Variants in E2F2 observed in about 807,000 individuals in gnomAD.
The protein encoded by E2F2 is E2F transcription factor 2, also known as transcription factor E2F2.
A neutral mutation model predicts 42.2 loss-of-function variants in E2F2; 22 were observed. The observed-to-expected ratio is 0.52, with a 90% CI of 0.37 to 0.74. E2F2 has a LOEUF of 0.74. Ranked by LOEUF, E2F2 falls within the 30% of genes least tolerant of loss-of-function variation. The pLI is 0.00. For missense variants in E2F2, 481 were observed against 557.8 expected (o/e 0.86, Z 1.39); for synonymous variants, 248 against 251.6 (o/e 0.99, Z 0.13).
Position 23,508,360 on chromosome 1 carries a change from G to C in E2F2, c.*1520C>G, listed in dbSNP as rs1291548782. 2.0e-5 allele frequency: 3 copies of C among 152,256 alleles called. No homozygotes were observed. Among genetic ancestry groups the C allele is most frequent in the Non-Finnish European group, 4.4e-5 (3 of 68,076 alleles). The allele number at this position is 152,256 out of a possible 1,614,324, so 9.4% of individuals were successfully genotyped here. ...AATGCTACAAACTTTTCTAAAAAGT[G>C]CTGTCCAGCTGAGCCTCTGAGAAAA... On this transcript the variant is annotated 3_prime_UTR_variant, in exon 7 of 7. Coordinates refer to ENST00000361729, the MANE Select transcript of E2F2 (RefSeq NM_004091.4).
At position 23,509,694 on chromosome 1, in the gene E2F2, A is replaced by C. The variant is rs1570450867; in HGVS notation, c.*186T>G. On this transcript the variant is annotated 3_prime_UTR_variant, in exon 7 of 7. Coordinates refer to ENST00000361729, the MANE Select transcript of E2F2 (RefSeq NM_004091.4). The stretch of plus-strand genomic sequence containing the variant: ...GGAAGGTGAGGACCACCCCTTATCC[A>C]CTCCTCACCCGTACCATTCATATCT... 1 of 1,155,282 alleles carries C rather than the reference A, an allele frequency of 8.7e-7. No individual in the cohort carries two copies. The highest frequency in any genetic ancestry group is 4.0e-5 in the Admixed American group (1 of 24,750). The allele number at this position is 1,155,282 out of a possible 1,614,324, so 71.6% of individuals were successfully genotyped here. A position where few individuals can be genotyped will look rare whatever the true frequency, so the allele number is the denominator to read the frequency against.
At chr1:23,518,351 A>T (rs1025240183) in intron 5 of E2F2, among the ~76,000 whole-genome samples, 5 of 151,724 alleles carry the variant, frequency 3.3e-5, no homozygotes, top group African/African-American at 1.2e-4. Flanking sequence ...GGCATCTGTA[A>T]TCTCAGCTAC....
Position 23,514,140 on chromosome 1 carries a change from C to T in E2F2, c.1045+2195G>A, listed in dbSNP as rs3218196. The stretch of plus-strand genomic sequence containing the variant: ...CTCTGTCTTAAAAAAAAAAAAACAA[C>T]TTCACACCCTTGTTTATGCTTTGGG... On this transcript the variant is annotated intron_variant, in intron 6 of 6. Coordinates refer to ENST00000361729, the MANE Select transcript of E2F2 (RefSeq NM_004091.4). Among the ~76,000 whole-genome samples the T allele has an allele frequency of 6.8e-3, 1,032 of 150,768 alleles. 41 individuals carry two copies. Among genetic ancestry groups the T allele is most frequent in the Admixed American group, 0.06 (906 of 15,134 alleles).
chr1:23,516,300 C>T (rs774680734), intron 6 of E2F2, 35 bp downstream of exon 6: 2 of 1,445,864 alleles, frequency 1.4e-6, no homozygotes, highest in Non-Finnish European at 1.8e-6. Flanking sequence ...CCGGTCTCTC[C>T]CCCCACCTCC....
At position 23,510,111 on chromosome 1, in the gene E2F2, C is replaced by T. The variant is rs767232696; in HGVS notation, c.1083G>A (p.Pro361=). 9 of 1,603,512 alleles carry T rather than the reference C, an allele frequency of 5.6e-6. No homozygotes were observed. Among genetic ancestry groups the T allele is most frequent in the South Asian group, 2.2e-5 (2 of 89,000 alleles). The stretch of plus-strand genomic sequence containing the variant: ...CCTCCAAGGGGACCAGGGATGGAGG[C>T]GGTGGGGCCTGCTGGGGGGTTGGCG... ...APAPTPQQAP[P]PPSLVPLEAT... Residue 361 remains proline (P), a synonymous_variant, in exon 7 of 7, where the codon CCG becomes CCA. Coordinates refer to ENST00000361729, the MANE Select transcript of E2F2 (RefSeq NM_004091.4).
In E2F2 at chr1:23,531,043, C is replaced by T; in HGVS notation, c.-250G>A. On this transcript the variant is annotated 5_prime_UTR_variant, in exon 1 of 7. Transcript: ENST00000361729. ...GTGGCACTGCCAGGGGCTGTCTCGTCCCGAGGGCACCGCGACCCGGGACGC... is the reference window on the plus strand; with the variant it reads ...GTGGCACTGCCAGGGGCTGTCTCGTTCCGAGGGCACCGCGACCCGGGACGC... The T allele has an allele frequency of 2.5e-6, 1 of 403,320 alleles. No individual in the cohort carries two copies. The highest frequency in any genetic ancestry group is 4.3e-6 in the Non-Finnish European group (1 of 232,898). 25.0% of individuals were successfully genotyped at this position (403,320 alleles called of 1,614,324 possible). A position where few individuals can be genotyped will look rare whatever the true frequency, so the allele number is the denominator to read the frequency against.
intron 6 of E2F2, among the ~76,000 whole-genome samples, chr1:23,514,214 G>A (rs549012820): frequency 6.6e-6 from 1 of 152,294 alleles, no homozygotes; most frequent in African/African-American, 2.4e-5. Flanking sequence ...AGCGAAGGTG[G>A]TTCCAGCTTC....
chr1:23,526,017 C>T (rs1186873587), intron 1 of E2F2, among the ~76,000 whole-genome samples: 2 of 152,044 alleles, frequency 1.3e-5, no homozygotes, highest in Admixed American at 6.5e-5. Flanking sequence ...TCCCCCACTC[C>T]TGCCCCCTCC....
downstream of E2F2, chr1:23,506,312 A>T (rs1243392120): frequency 6.6e-6 from 1 of 152,182 alleles, no homozygotes; most frequent in East Asian, 1.9e-4. Context: ...CTTGGAGGGA[A>T]ATCCACTGGG....
chr1:23,527,758 C>T (rs1359740701), intron 1 of E2F2, among the ~76,000 whole-genome samples: 6 of 152,256 alleles, frequency 3.9e-5, no homozygotes, highest in Admixed American at 1.3e-4. Flanking sequence ...GCCTACACCT[C>T]CTCACCTGAC....
In E2F2 at chr1:23,530,604, C is replaced by G; in HGVS notation, c.190G>C (p.Asp64His). 6.2e-7 allele frequency: 1 copy of G among 1,613,064 alleles called. No individual in the cohort carries two copies. The highest frequency in any genetic ancestry group is 8.5e-7 in the Non-Finnish European group (1 of 1,179,766). Residue 64 changes from aspartate (D) to histidine (H), a missense_variant, in exon 1 of 7, where the codon GAC becomes CAC. Physicochemically the swap from Asp to His is moderately conservative, Grantham distance 81. Coordinates refer to ENST00000361729, the MANE Select transcript of E2F2 (RefSeq NM_004091.4). This position sits in a 1 kb window ranked among gnomAD's most constrained non-coding sequence, Gnocchi z 4.4. ...PPAAAPGTCLDATPHGPEGQV... is the reference protein window; with the variant it reads ...PPAAAPGTCLHATPHGPEGQV... The stretch of plus-strand genomic sequence containing the variant: ...CCCTCGGGTCCGTGGGGAGTGGCGT[C>G]GAGGCAGGTGCCTGGCGCCGCTGCG...
At position 23,524,409 on chromosome 1, in the gene E2F2, C is replaced by A; in HGVS notation, c.332G>T (p.Arg111Ile). The change falls in exon 2 of 7, where the codon AGA becomes ATA. Residue 111 changes from arginine (R) to isoleucine (I), a missense_variant. By Grantham distance (97) the Arg-to-Ile change is moderately conservative. Coordinates refer to ENST00000361729, the MANE Select transcript of E2F2 (RefSeq NM_004091.4). The stretch of plus-strand genomic sequence containing the variant: ...TTTGGGGCTGGGGAGGCCATCCACT[C>A]TGATGCACTTCCCCTTGGGGGTTGG... Reference protein sequence around the residue: ...EFPTPKGKCIRVDGLPSPKTP... With the variant: ...EFPTPKGKCIIVDGLPSPKTP... The A allele has an allele frequency of 6.2e-7, 1 of 1,612,876 alleles. No homozygotes were observed. Among genetic ancestry groups the A allele is most frequent in the Non-Finnish European group, 8.5e-7 (1 of 1,179,378 alleles).
At chr1:23,519,832 C>T (rs1643101617) in intron 4 of E2F2, among the ~76,000 whole-genome samples, 1 of 152,052 alleles carries the variant, frequency 6.6e-6, no homozygotes, top group Admixed American at 6.6e-5. Context: ...AACCCTAGCA[C>T]TTACGAAGGC....
At chr1:23,513,561 CATGTGTGTGTGTGTGT>C (rs1033117812) in intron 6 of E2F2, among the ~76,000 whole-genome samples, 15 of 116,038 alleles carry the variant, frequency 1.3e-4, no homozygotes, top group African/African-American at 4.3e-4. Flanking sequence ...CAGCACGGAA[CATGTGTGTGTGTGTGT>C]GTGTGTGTGT....
At chr1:23,520,697 C>T (rs891922656) in intron 4 of E2F2, among the ~76,000 whole-genome samples, 3 of 152,166 alleles carry the variant, frequency 2.0e-5, no homozygotes, top group African/African-American at 7.2e-5. Context: ...GAGCTATGAT[C>T]ATGCCATTGT....
At position 23,522,647 on chromosome 1, in the gene E2F2, GAC is replaced by G. The variant is rs3218163; in HGVS notation, c.359-593_359-592del. Among the ~76,000 whole-genome samples, 34 of 152,270 alleles carry G rather than the reference GAC, an allele frequency of 2.2e-4. No homozygotes were observed. In the East Asian group the frequency reaches 4.0e-3, roughly 18 times the overall value. On this transcript the variant is annotated intron_variant, in intron 2 of 6. Transcript: ENST00000361729. ...GCCTGGATTTAAGAGCATTTTTATA[GAC>G]ACACACTTGCTTTTTCTTCCCATGT... is the stretch of plus-strand genomic sequence containing the variant.
chr1:23,510,189 C>T, intron 6 of E2F2, 41 bp from the exon 7 acceptor site: 7 of 1,515,692 alleles, frequency 4.6e-6, no homozygotes, highest in Non-Finnish European at 6.2e-6. Context: ...GCCCTAGCAT[C>T]CAACTCCTCA....
In E2F2 at chr1:23,519,133, A is replaced by G; in HGVS notation, c.738-3T>C. Reference sequence around the variant, plus strand: ...CCTGGTAAGTCACATAGGCCAGCGTAGGGCAGGAGAGTCAAGAAAAGTGAC... The same window carrying G: ...CCTGGTAAGTCACATAGGCCAGCGTGGGGCAGGAGAGTCAAGAAAAGTGAC... On this transcript the variant is annotated splice_polypyrimidine_tract_variant and splice_region_variant and intron_variant, in intron 4 of 6. Transcript: ENST00000361729. The G allele has an allele frequency of 6.2e-7, 1 of 1,609,834 alleles. No homozygotes were observed. The highest frequency in any genetic ancestry group is 8.5e-7 in the Non-Finnish European group (1 of 1,177,058).
In E2F2 at chr1:23,520,925, T is replaced by C. The variant is rs1476714608; in HGVS notation, c.725A>G (p.Lys242Arg). The C allele has an allele frequency of 3.1e-6, 5 of 1,596,254 alleles. No individual in the cohort carries two copies. The East Asian group carries it at 1.2e-4, about 37-fold the overall frequency. The change falls in exon 4 of 7, where the codon AAG becomes AGG. Residue 242 changes from lysine (K) to arginine (R), a missense_variant. Coordinates refer to ENST00000361729, the MANE Select transcript of E2F2 (RefSeq NM_004091.4). Reference protein sequence around the residue: ...SLSFKHLTEDKANKRLAYVTY... With the variant: ...SLSFKHLTEDRANKRLAYVTY... ...CCAAGGAGGATATCTCTTGTTGGCC[T>C]TGTCCTCAGTCAGGTGCTTGAAGCT... is the stretch of plus-strand genomic sequence containing the variant.
Sources: gnomAD v4.1 joint callset for allele counts (sites outside exome capture counted in the v4.1 genomes callset) on GRCh38, gnomAD v4.1.1 for gene constraint, Gnocchi (gnomAD v3.1) non-coding constraint, MANE v1.5 for transcripts, NCBI Gene and HGNC (gene_info 2026-07-23, HGNC 2026-07-21) for gene names.